GABRA6: variants seen among roughly 807,000 people sequenced by gnomAD.
The protein encoded by GABRA6 is gamma-aminobutyric acid type A receptor subunit alpha6.
In GABRA6, 45 loss-of-function variants were observed where a neutral mutation model predicts 47.3. The observed-to-expected ratio is 0.95, with a 90% CI of 0.75 to 1.22. The LOEUF is 1.22. Among genes scored for constraint, GABRA6 ranks in the 50% most tolerant of loss-of-function variants. The probability of loss-of-function intolerance (pLI) is 0.00; values close to 1 mark genes in which losing one functional copy is unlikely to be tolerated. For missense variants in GABRA6, 583 were observed against 549.3 expected (o/e 1.06, Z -0.61); for synonymous variants, 219 against 194.7 (o/e 1.12, Z -1.04).
chr5:161,692,314 T>C (rs563014319), intron 8 of GABRA6, 114 bp downstream of exon 8: 11 of 1,281,726 alleles, frequency 8.6e-6, no homozygotes, highest in South Asian at 2.5e-5. Context: ...GTTATATAAC[T>C]GTAGTTTCAA....
intron 8 of GABRA6, among the ~76,000 whole-genome samples, chr5:161,695,845 T>A (rs542717542): frequency 6.6e-6 from 1 of 152,300 alleles, no homozygotes; most frequent in South Asian, 2.1e-4. Context: ...ATTTATTGAC[T>A]ATTTATGCAT....
Position 161,702,074 on chromosome 5 carries a change from A to G in GABRA6, c.*301A>G. ...TGTCTTCCATTGTTCAGTATTTTTA[A>G]TTGTCACTGTAAATAACATTTACCA... is the stretch of plus-strand genomic sequence containing the variant. On this transcript the variant is annotated 3_prime_UTR_variant, in exon 9 of 9. Transcript: ENST00000274545. 2.7e-6 allele frequency: 1 copy of G among 374,754 alleles called. No homozygotes were observed. The highest frequency in any genetic ancestry group is 4.9e-6 in the Non-Finnish European group (1 of 202,202). The allele number at this position is 374,754 out of a possible 1,614,324, so 23.2% of individuals were successfully genotyped here.
intron 8 of GABRA6, among the ~76,000 whole-genome samples, chr5:161,700,736 G>C (rs1278774966): frequency 6.6e-6 from 1 of 152,158 alleles, no homozygotes; most frequent in Non-Finnish European, 1.5e-5. Context: ...ATAGAAAGGA[G>C]CATATAACAA....
Position 161,692,095 on chromosome 5 carries a change from T to C in GABRA6, c.981T>C (p.Phe327=). 2 of 1,614,172 alleles carry C rather than the reference T, an allele frequency of 1.2e-6. No homozygotes were observed. Among genetic ancestry groups the C allele is most frequent in the Non-Finnish European group, 1.7e-6 (2 of 1,180,000 alleles). The change falls in exon 8 of 9, where the codon TTT becomes TTC. Residue 327 remains phenylalanine, a synonymous_variant. Coordinates refer to ENST00000274545, the MANE Select transcript of GABRA6 (RefSeq NM_000811.3). ...TCGAGTTCGCAGCTGTCAACTACTT[T>C]ACCAATCTTCAGACACAGAAGGCCA... ...ALIEFAAVNY[F]TNLQTQKAKR...
At chr5:161,698,055 C>G (rs1338998519) in intron 8 of GABRA6, among the ~76,000 whole-genome samples, 1 of 152,146 alleles carries the variant, frequency 6.6e-6, no homozygotes, top group South Asian at 2.1e-4. Context: ...ACTTTTCATC[C>G]CCCTCTTTGC....
chr5:161,688,226 A>G (rs1334068242), intron 3 of GABRA6, among the ~76,000 whole-genome samples: 2 of 152,176 alleles, frequency 1.3e-5, no homozygotes, highest in African/African-American at 2.4e-5. Flanking sequence ...AAAGGAATTT[A>G]TATAGTAGGC....
Position 161,689,763 on chromosome 5 carries a change from A to T in GABRA6, c.657A>T (p.Thr219=). 4.3e-6 allele frequency: 7 copies of T among 1,613,300 alleles called. No individual in the cohort carries two copies. Among genetic ancestry groups the T allele is most frequent in the Non-Finnish European group, 5.9e-6 (7 of 1,179,330 alleles). The change falls in exon 6 of 9, where the codon ACA becomes ACT. Residue 219 remains threonine (T), a synonymous_variant. Transcript: ENST00000274545. ...TTGGACAAACAGTATCTAGTGAGACAATTAAATCTAACACAGGTAAGAATT... is the reference window on the plus strand; with the variant it reads ...TTGGACAAACAGTATCTAGTGAGACTATTAAATCTAACACAGGTAAGAATT... The part of the protein sequence containing the change: ...DLIGQTVSSE[T]IKSNTGEYVI...
intron 2 of GABRA6, among the ~76,000 whole-genome samples, chr5:161,686,582 T>C (rs1282019553): frequency 6.6e-6 from 1 of 152,226 alleles, no homozygotes; most frequent in Non-Finnish European, 1.5e-5. Flanking sequence ...ATATGATCAA[T>C]GTTTGCCTCA....
intron 8 of GABRA6, among the ~76,000 whole-genome samples, chr5:161,696,804 T>C (rs1056503022): frequency 4.6e-5 from 7 of 152,212 alleles, no homozygotes; most frequent in Non-Finnish European, 8.8e-5. Context: ...TAACGATTAA[T>C]ATGATGACTT....
At chr5:161,693,878 A>G (rs1010865418) in intron 8 of GABRA6, among the ~76,000 whole-genome samples, 1 of 152,194 alleles carries the variant, frequency 6.6e-6, no homozygotes, top group Non-Finnish European at 1.5e-5. Flanking sequence ...ACAATATTAC[A>G]GAGACTGAGG....
chr5:161,692,959 T>TA (rs1456319836), intron 8 of GABRA6, among the ~76,000 whole-genome samples: 2 of 152,208 alleles, frequency 1.3e-5, no homozygotes, highest in East Asian at 3.8e-4. Flanking sequence ...AAGCTGAACA[T>TA]ACTTATTTTA....
intron 7 of GABRA6, among the ~76,000 whole-genome samples, chr5:161,691,065 A>G (rs1217041885): frequency 1.3e-5 from 2 of 152,022 alleles, no homozygotes; most frequent in Non-Finnish European, 2.9e-5. Context: ...TCCTAATAGT[A>G]TAAATTCCCC....
At position 161,690,341 on chromosome 5, in the gene GABRA6, A is replaced by C; in HGVS notation, c.814A>C (p.Arg272=). ...FWINKESVPA[R]TVFGITTVLT... is the part of the protein sequence containing the mutation. ...GATTAATAAGGAGTCCGTCCCAGCA[A>C]GAACTGTTTTTGGTATATGTCACAT... is the stretch of plus-strand genomic sequence containing the variant. The change falls in exon 7 of 9, where the codon AGA becomes CGA. Residue 272 remains arginine (R), a synonymous_variant. Transcript: ENST00000274545. The C allele has an allele frequency of 6.2e-7, 1 of 1,613,500 alleles. No homozygotes were observed. Among genetic ancestry groups the C allele is most frequent in the Non-Finnish European group, 8.5e-7 (1 of 1,179,860 alleles).
chr5:161,697,856 C>T (rs1754912542), intron 8 of GABRA6, among the ~76,000 whole-genome samples: 1 of 152,138 alleles, frequency 6.6e-6, no homozygotes. Context: ...TCTTTGTGAG[C>T]TTCCTGCTTA....
chr5:161,686,459 G>A (rs1008629075), intron 2 of GABRA6, 111 bp downstream of exon 2: 15 of 835,088 alleles, frequency 1.8e-5, no homozygotes, highest in African/African-American at 3.3e-5. Flanking sequence ...GGCAGGGTAC[G>A]GGAGAGAGAC....
chr5:161,691,279 T>G (rs934665906), intron 7 of GABRA6, among the ~76,000 whole-genome samples: 1 of 147,078 alleles, frequency 6.8e-6, no homozygotes. Flanking sequence ...TTTTTTTTCT[T>G]TTTCTTTCCT....
rs539137379 is a variant in GABRA6 at position 161,701,593 on chromosome 5, G to A, written c.1182G>A (p.Ala394=). The A allele has an allele frequency of 1.9e-5, 30 of 1,614,080 alleles. No individual in the cohort carries two copies. The highest frequency in any genetic ancestry group is 1.3e-4 in the Admixed American group (8 of 59,990). ...SSEANKVLTR[A]PILQSTPVTP... ...AGGCCAATAAAGTGCTCACGAGAGC[G>A]CCCATCTTACAATCAACACCTGTCA... is the stretch of plus-strand genomic sequence containing the variant. The change falls in exon 9 of 9, where the codon GCG becomes GCA. Residue 394 remains alanine (A), a synonymous_variant. Transcript: ENST00000274545.
intron 7 of GABRA6, 149 bp downstream of exon 7, chr5:161,690,502 C>A: frequency 2.3e-6 from 2 of 866,926 alleles, no homozygotes; most frequent in Admixed American, 2.1e-5. Context: ...CATGCAAAAT[C>A]ACTGTCATTA....
rs1754987790 is a variant in GABRA6, at chr5:161,701,892, T to C, written c.*119T>C. On this transcript the variant is annotated 3_prime_UTR_variant, in exon 9 of 9. Transcript: ENST00000274545. Reference sequence around the variant, plus strand: ...TCAGAACATGAAATCAAATTGGAAATCTGTAACGCAGCTTCCGTAAGCATG... The same window carrying C: ...TCAGAACATGAAATCAAATTGGAAACCTGTAACGCAGCTTCCGTAAGCATG... 2 of 1,116,298 alleles carry C rather than the reference T, an allele frequency of 1.8e-6. No homozygotes were observed. The highest frequency in any genetic ancestry group is 2.7e-6 in the Non-Finnish European group (2 of 748,544). 69.1% of individuals were successfully genotyped at this position (1,116,298 alleles called of 1,614,324 possible). A position where few individuals can be genotyped will look rare whatever the true frequency, so the allele number is the denominator to read the frequency against.
Sources: gnomAD v4.1 joint callset for allele counts (sites outside exome capture counted in the v4.1 genomes callset) on GRCh38, gnomAD v4.1.1 for gene constraint, MANE v1.5 for transcripts, NCBI Gene and HGNC (gene_info 2026-07-23, HGNC 2026-07-21) for gene names.